Variants in TEK observed in about 807,000 individuals in gnomAD.
The protein encoded by TEK is TEK receptor tyrosine kinase.
A neutral mutation model predicts 131.8 loss-of-function variants in TEK; 43 were observed. The ratio of observed to expected loss-of-function variants is 0.33; its 90% CI spans 0.26 to 0.42. The LOEUF is 0.42. TEK is among the 10% of genes least tolerant of loss of function. The pLI is 1.00. For synonymous variants in TEK, 580 were observed against 491.6 expected (o/e 1.18, Z -2.38); for missense variants, 1,162 against 1,384.4 (o/e 0.84, Z 2.55).
chr9:27,204,902 C>G lies in TEK; in HGVS notation c.2210-9C>G. ...AAACTACCTGCTTCACCTCTGTCTTCCTGCACAGCACCAGCGGACCTCGGA... is the reference window on the plus strand; with the variant it reads ...AAACTACCTGCTTCACCTCTGTCTTGCTGCACAGCACCAGCGGACCTCGGA... On this transcript the variant is annotated splice_polypyrimidine_tract_variant and intron_variant, in intron 13 of 22. Coordinates refer to ENST00000380036, the MANE Select transcript of TEK (RefSeq NM_000459.5). 6.2e-7 allele frequency: 1 copy of G among 1,613,796 alleles called. No homozygotes were observed. Among genetic ancestry groups the G allele is most frequent in the Non-Finnish European group, 8.5e-7 (1 of 1,179,838 alleles).
intron 1 of TEK, among the ~76,000 whole-genome samples, chr9:27,133,815 T>A (rs527780279): frequency 3.3e-5 from 5 of 152,352 alleles, no homozygotes; most frequent in African/African-American, 1.2e-4. Context: ...ACATATTGTC[T>A]TTTACATAAT....
chr9:27,203,885 T>C lies in TEK; in HGVS notation c.2209+766T>C, dbSNP rs4628338. Among the ~76,000 whole-genome samples, 950 of 152,364 alleles carry C rather than the reference T, an allele frequency of 6.2e-3. 9 individuals are homozygous for C. The highest frequency in any genetic ancestry group is 0.022 in the African/African-American group (907 of 41,584). ...ACTATAACTAAATCTGAAAACTTCT[T>C]GGTTCTCTTGGAGGATTACCTAGAC... On this transcript the variant is annotated intron_variant, in intron 13 of 22. Transcript: ENST00000380036.
intron 18 of TEK, among the ~76,000 whole-genome samples, chr9:27,213,973 A>G (rs554778737): frequency 2.6e-5 from 4 of 152,238 alleles, no homozygotes; most frequent in African/African-American, 9.6e-5. Context: ...CATATTTTCC[A>G]AAAGTCAAGA....
At chr9:27,109,864 C>T (rs1241510926) in intron 1 of TEK, among the ~76,000 whole-genome samples, 4 of 151,956 alleles carry the variant, frequency 2.6e-5, no homozygotes, top group Non-Finnish European at 5.9e-5. Flanking sequence ...GGTGATTGGC[C>T]CCTGTGTTAG....
chr9:27,140,719 G>T (rs1822694359), intron 1 of TEK, among the ~76,000 whole-genome samples: 1 of 152,062 alleles, frequency 6.6e-6, no homozygotes, highest in African/African-American at 2.4e-5. Context: ...TGGGAGTGGT[G>T]TGGTGCTATC....
chr9:27,137,941 C>T (rs1822551503), intron 1 of TEK, among the ~76,000 whole-genome samples: 1 of 152,114 alleles, frequency 6.6e-6, no homozygotes, highest in Non-Finnish European at 1.5e-5. Context: ...AGAGTTTGTT[C>T]CTTCAGATGT....
chr9:27,119,924 C>T (rs578209128), intron 1 of TEK, among the ~76,000 whole-genome samples: 89 of 152,128 alleles, frequency 5.9e-4, no homozygotes, highest in African/African-American at 1.9e-3. Flanking sequence ...TGGATGCACA[C>T]GTGTGAGAGA....
intron 1 of TEK, among the ~76,000 whole-genome samples, chr9:27,148,925 T>C (rs7858151): frequency 0.011 from 1,734 of 152,332 alleles, 43 homozygotes; most frequent in African/African-American, 0.04. Flanking sequence ...GGTTTTGGCT[T>C]TTTCTGTGAT....
At position 27,123,052 on chromosome 9, in the gene TEK, C is replaced by CAAAAAAAAAAAAAAAA. The variant is rs10700803; in HGVS notation, c.52+13421_52+13436dup. 2.0e-4 allele frequency among the ~76,000 whole-genome samples: 7 copies of CAAAAAAAAAAAAAAAA among 34,710 alleles called. 2 individuals carry two copies. The highest frequency in any genetic ancestry group is 2.2e-4 in the Non-Finnish European group (5 of 22,248). The allele number at this position is 34,710 out of a possible 152,430, so 22.8% of individuals were successfully genotyped here. A position where few individuals can be genotyped will look rare whatever the true frequency, so the allele number is the denominator to read the frequency against. ...TGGGTGACAGAGCGAGACTCTGTCTCAAAAAAAAAAAAAAAAAAAAAAAAA... is the reference window on the plus strand; with the variant it reads ...TGGGTGACAGAGCGAGACTCTGTCTCAAAAAAAAAAAAAAAAAAAAAAAAAAAAAAAAAAAAAAAAA... On this transcript the variant is annotated intron_variant, in intron 1 of 22. Coordinates refer to ENST00000380036, the MANE Select transcript of TEK (RefSeq NM_000459.5).
chr9:27,213,573 A>G lies in TEK; in HGVS notation c.2967A>G (p.Gln989=), dbSNP rs149269841. ...CAGATTTTGGATTGTCCCGAGGTCA[A>G]GAGGTGTATGTGAAAAAGACAATGG... The part of the protein sequence containing the change: ...KIADFGLSRG[Q]EVYVKKTMGR... Residue 989 remains glutamine (Q), a synonymous_variant, in exon 18 of 23, where the codon CAA becomes CAG. Coordinates refer to ENST00000380036, the MANE Select transcript of TEK (RefSeq NM_000459.5). 27 of 1,613,740 alleles carry G rather than the reference A, an allele frequency of 1.7e-5. No individual in the cohort carries two copies. Among genetic ancestry groups the G allele is most frequent in the Admixed American group, 1.3e-4 (8 of 59,994 alleles).
chr9:27,138,133 T>G (rs1034714013), intron 1 of TEK, among the ~76,000 whole-genome samples: 7 of 152,212 alleles, frequency 4.6e-5, no homozygotes, highest in African/African-American at 1.7e-4. Context: ...TCAGTGAGTG[T>G]TTCAGCTCAT....
intron 21 of TEK, among the ~76,000 whole-genome samples, chr9:27,227,812 C>T (rs767765129): frequency 6.6e-6 from 1 of 152,166 alleles, no homozygotes. Flanking sequence ...AATGACAGTG[C>T]TTCTAAAAGT....
At chr9:27,211,420 A>T (rs1009558048) in intron 16 of TEK, among the ~76,000 whole-genome samples, 10 of 146,946 alleles carry the variant, frequency 6.8e-5, no homozygotes, top group African/African-American at 2.5e-4. Context: ...ATTTCTTAGA[A>T]GATCTTTCAA....
At chr9:27,213,026 C>T in intron 17 of TEK, 129 bp downstream of exon 17, 1 of 1,020,704 alleles carries the variant, frequency 9.8e-7, no homozygotes, top group East Asian at 2.6e-5. Context: ...TCATTTTAAT[C>T]TCTCTGTGAA....
chr9:27,174,413 A>G (rs1465106248), intron 6 of TEK, among the ~76,000 whole-genome samples: 1 of 152,264 alleles, frequency 6.6e-6, no homozygotes, highest in Non-Finnish European at 1.5e-5. Context: ...ACATTAAAAA[A>G]GTGAGGAGAA....
intron 1 of TEK, among the ~76,000 whole-genome samples, chr9:27,126,041 G>A (rs1030191183): frequency 6.6e-6 from 1 of 152,172 alleles, no homozygotes; most frequent in Non-Finnish European, 1.5e-5. Flanking sequence ...GTTATTCATG[G>A]TGCTTATGTT....
intron 11 of TEK, among the ~76,000 whole-genome samples, chr9:27,196,708 C>T (rs1825025342): frequency 6.7e-6 from 1 of 149,646 alleles, no homozygotes; most frequent in Non-Finnish European, 1.5e-5. Flanking sequence ...TGGGAGCAGG[C>T]ACTTTGCATG....
intron 11 of TEK, chr9:27,195,648 A>G (rs1564090122): frequency 2.2e-6 from 1 of 455,952 alleles, no homozygotes; most frequent in Non-Finnish European, 4.4e-6. Flanking sequence ...ATTAACTGAA[A>G]ACACACTATT....
Position 27,205,025 on chromosome 9 carries a change from C to A in TEK, c.2324C>A (p.Ala775Glu). 1.2e-6 allele frequency: 2 copies of A among 1,613,928 alleles called. No homozygotes were observed. Among genetic ancestry groups the A allele is most frequent in the Non-Finnish European group, 8.5e-7 (1 of 1,179,904 alleles). ...AFLIILQLKR[A>E]NVQRRMAQAF... ...CTGATCATATTGCAATTGAAGAGGG[C>A]AAATGTGCAAAGGAGAATGGCCCAA... Residue 775 changes from alanine (A) to glutamate (E), a missense_variant, in exon 14 of 23, where the codon GCA (alanine) becomes GAA (glutamate). Coordinates refer to ENST00000380036, the MANE Select transcript of TEK (RefSeq NM_000459.5).
Sources: gnomAD v4.1 joint callset for allele counts (sites outside exome capture counted in the v4.1 genomes callset) on GRCh38, gnomAD v4.1.1 for gene constraint, MANE v1.5 for transcripts, NCBI Gene and HGNC (gene_info 2026-07-23, HGNC 2026-07-21) for gene names.